The following AKAP6 variants were observed in gnomAD, a reference collection of about 807,000 sequenced individuals.
AKAP6 encodes the protein A-kinase anchor protein 6.
Under a neutral mutation model 188.5 loss-of-function variants are expected in AKAP6, and 58 were observed. The ratio of observed to expected loss-of-function variants is 0.31; its 90% CI spans 0.25 to 0.38. The LOEUF (loss-of-function observed/expected upper bound fraction) is 0.38. AKAP6 is among the 10% of genes least tolerant of loss of function. AKAP6 has a pLI of 1.00. For synonymous variants in AKAP6, 989 were observed against 998.6 expected (o/e 0.99, Z 0.18); for missense variants, 2,710 against 2,740.0 (o/e 0.99, Z 0.24).
At chr14:32,334,747 A>G (rs1054824761) in intron 1 of AKAP6, among the ~76,000 whole-genome samples, 1 of 152,174 alleles carries the variant, frequency 6.6e-6, no homozygotes, top group African/African-American at 2.4e-5. Flanking sequence ...CCACGAGCAC[A>G]TACCGGTCAG....
chr14:32,485,382 C>T (rs1016814953), intron 2 of AKAP6, among the ~76,000 whole-genome samples: 10 of 152,188 alleles, frequency 6.6e-5, no homozygotes, highest in East Asian at 1.9e-4. Flanking sequence ...CTTGAGGAAT[C>T]GCCACACTGT....
intron 1 of AKAP6, among the ~76,000 whole-genome samples, chr14:32,416,026 T>C (rs1020084143): frequency 3.3e-5 from 5 of 152,198 alleles, no homozygotes; most frequent in Non-Finnish European, 7.3e-5. Context: ...AATATCTCTT[T>C]AAGACCCTGC....
rs147474110 is a variant in AKAP6 at position 32,535,364 on chromosome 14, C to T, written c.325-190C>T. Among the ~76,000 whole-genome samples, 657 of 152,220 alleles carry T rather than the reference C, an allele frequency of 4.3e-3. 5 individuals are homozygous for T. Among genetic ancestry groups the T allele is most frequent in the African/African-American group, 0.015 (612 of 41,522 alleles). Reference sequence around the variant, plus strand: ...AAAAAGATTGATTTACCTAAATGACCGAAGGCCCAGTGCACAGGAATATGG... The same window carrying T: ...AAAAAGATTGATTTACCTAAATGACTGAAGGCCCAGTGCACAGGAATATGG... On this transcript the variant is annotated intron_variant, in intron 2 of 13. Coordinates refer to ENST00000280979, the MANE Select transcript of AKAP6 (RefSeq NM_004274.5).
chr14:32,380,575 G>A (rs1365357344), intron 1 of AKAP6, among the ~76,000 whole-genome samples: 1 of 152,146 alleles, frequency 6.6e-6, no homozygotes. Context: ...TCAGACATTA[G>A]TAAAATATTT....
chr14:32,826,827 C>T (rs1239456911), intron 13 of AKAP6, among the ~76,000 whole-genome samples: 2 of 152,224 alleles, frequency 1.3e-5, no homozygotes, highest in Non-Finnish European at 2.9e-5. Flanking sequence ...GCCAGCCCGT[C>T]TGCCAGTCAG....
chr14:32,514,724 A>G (rs543312847), intron 2 of AKAP6, among the ~76,000 whole-genome samples: 1 of 152,358 alleles, frequency 6.6e-6, no homozygotes, highest in East Asian at 1.9e-4. Flanking sequence ...ACTGTAATGA[A>G]GAAAAAGCAA....
intron 7 of AKAP6, among the ~76,000 whole-genome samples, chr14:32,645,475 G>A (rs1193298612): frequency 6.6e-6 from 1 of 152,118 alleles, no homozygotes; most frequent in Non-Finnish European, 1.5e-5. Context: ...TACAGACGGA[G>A]TCTCACTTGT....
intron 9 of AKAP6, among the ~76,000 whole-genome samples, chr14:32,721,678 T>C (rs184237081): frequency 6.6e-6 from 1 of 152,348 alleles, no homozygotes; most frequent in Admixed American, 6.5e-5. Flanking sequence ...CTTTGCTCCA[T>C]TGTTGTTCTC....
chr14:32,704,634 A>G (rs1241614630), intron 9 of AKAP6, among the ~76,000 whole-genome samples: 1 of 152,156 alleles, frequency 6.6e-6, no homozygotes, highest in Non-Finnish European at 1.5e-5. Context: ...TATATGATGT[A>G]TGATTAAACT....
chr14:32,442,934 A>C (rs111776340), intron 2 of AKAP6, among the ~76,000 whole-genome samples: 12 of 152,288 alleles, frequency 7.9e-5, no homozygotes, highest in African/African-American at 2.9e-4. Context: ...GTGAAAAGGA[A>C]GTAAGATGTG....
At chr14:32,353,215 C>T (rs927495115) in intron 1 of AKAP6, among the ~76,000 whole-genome samples, 1 of 152,156 alleles carries the variant, frequency 6.6e-6, no homozygotes, top group African/African-American at 2.4e-5. Flanking sequence ...TTGGTACACC[C>T]TTCTTTACCT....
chr14:32,331,511 T>A (rs1488251465), intron 1 of AKAP6, among the ~76,000 whole-genome samples: 53 of 152,244 alleles, frequency 3.5e-4, no homozygotes, highest in African/African-American at 1.2e-3. Context: ...TATGCTTTTG[T>A]GCTCTTTTTG....
At chr14:32,521,465 A>G (rs1227362369) in intron 2 of AKAP6, among the ~76,000 whole-genome samples, 7 of 152,358 alleles carry the variant, frequency 4.6e-5, no homozygotes, top group Middle Eastern at 3.4e-3. Context: ...AATCTCCTTA[A>G]GCTGATAAGC....
rs770861138 is a variant in AKAP6 at position 32,824,502 on chromosome 14, G to T, written c.6689G>T (p.Gly2230Val). 1 of 1,613,840 alleles carries T rather than the reference G, an allele frequency of 6.2e-7. No homozygotes were observed. Among genetic ancestry groups the T allele is most frequent in the East Asian group, 2.2e-5 (1 of 44,876 alleles). The change falls in exon 13 of 14, where the codon GGT (glycine) becomes GTT (valine). Residue 2230 changes from glycine to valine, a missense_variant. Transcript: ENST00000280979. ...ERAEVGKEVNGLPQTSSGCAE... is the reference protein window; with the variant it reads ...ERAEVGKEVNVLPQTSSGCAE... ...GCTGAGGTTGGAAAGGAAGTGAATG[G>T]TTTGCCCCAAACTTCCAGTGGCTGT...
intron 4 of AKAP6, among the ~76,000 whole-genome samples, chr14:32,550,344 T>G (rs937532699): frequency 3.3e-5 from 5 of 152,078 alleles, no homozygotes; most frequent in African/African-American, 1.2e-4. Context: ...TAAGAAGAAA[T>G]GGTTTATAGG....
At chr14:32,582,659 C>T (rs1167345052) in intron 5 of AKAP6, among the ~76,000 whole-genome samples, 1 of 152,136 alleles carries the variant, frequency 6.6e-6, no homozygotes, top group Non-Finnish European at 1.5e-5. Flanking sequence ...TTCACATAGT[C>T]CCATATTTCT....
intron 1 of AKAP6, among the ~76,000 whole-genome samples, chr14:32,361,540 G>GT (rs368542262): frequency 8.8e-4 from 134 of 151,668 alleles, no homozygotes; most frequent in African/African-American, 3.1e-3. Context: ...AGGCCATCTA[G>GT]TTTTTTGTTT....
At chr14:32,669,635 G>A (rs1472499706) in intron 7 of AKAP6, among the ~76,000 whole-genome samples, 2 of 152,134 alleles carry the variant, frequency 1.3e-5, no homozygotes, top group Non-Finnish European at 2.9e-5. Flanking sequence ...CCATTCTCAC[G>A]CTGCTAATAG....
intron 7 of AKAP6, among the ~76,000 whole-genome samples, chr14:32,670,775 A>G (rs774708689): frequency 2.6e-5 from 4 of 151,858 alleles, no homozygotes; most frequent in Non-Finnish European, 5.9e-5. Context: ...CTATATTTCA[A>G]TTATTTTATT....
Sources: gnomAD v4.1 joint callset for allele counts (sites outside exome capture counted in the v4.1 genomes callset) on GRCh38, gnomAD v4.1.1 for gene constraint, MANE v1.5 for transcripts, NCBI Gene and HGNC (gene_info 2026-07-23, HGNC 2026-07-21) for gene names.